Variants in BDNF observed in about 807,000 individuals in gnomAD.
BDNF encodes neurotrophic factor BDNF precursor form.
In BDNF, 1 loss-of-function variant was observed where a neutral mutation model predicts 19.5. That is an observed-to-expected ratio of 0.05 (90% confidence interval 0.02 to 0.24). The LOEUF (loss-of-function observed/expected upper bound fraction) is 0.24. BDNF is among the 10% of genes least tolerant of loss of function. The probability of loss-of-function intolerance (pLI) is 1.00; values close to 1 mark genes in which losing one functional copy is unlikely to be tolerated. For synonymous variants in BDNF, 100 were observed against 121.6 expected, an observed-to-expected ratio of 0.82 and a Z score of 1.17; for missense variants, 195 against 317.6, an observed-to-expected ratio of 0.61 and a Z score of 2.93.
At chr11:27,684,540 C>T (rs867775709) in intron 1 of BDNF, among the ~76,000 whole-genome samples, 1 of 152,150 alleles carries the variant, frequency 6.6e-6, no homozygotes, top group Non-Finnish European at 1.5e-5. Context: ...GTGGGTTTCT[C>T]ATAAATAGCT....
At position 27,657,937 on chromosome 11, in the gene BDNF, T is replaced by G. The variant is rs1852788290; in HGVS notation, c.628A>C (p.Thr210Pro). 1 of 1,614,064 alleles carries G rather than the reference T, an allele frequency of 6.2e-7. No homozygotes were observed. ...DKRHWNSQCR[T>P]TQSYVRALTM... ...AGGGCCCGCACGTACGACTGGGTAGTTCGGCACTGGGAGTTCCAATGCCTT... is the reference window on the plus strand; with the variant it reads ...AGGGCCCGCACGTACGACTGGGTAGGTCGGCACTGGGAGTTCCAATGCCTT... Residue 210 changes from threonine (T) to proline (P), a missense_variant, in exon 2 of 2, where the codon ACT (threonine) becomes CCT (proline). Around this residue, in one of 2 missense-constraint regions of BDNF, gnomAD observed 71 missense variants for 162.6 expected, o/e 0.44. Coordinates refer to ENST00000356660, the MANE Select transcript of BDNF (RefSeq NM_001709.5). The surrounding 1 kb of genome is among the most constrained non-coding windows in gnomAD (Gnocchi z 5.0).
At chr11:27,689,828 C>T (rs752143919) in intron 1 of BDNF, among the ~76,000 whole-genome samples, 11 of 152,026 alleles carry the variant, frequency 7.2e-5, no homozygotes, top group Non-Finnish European at 1.5e-4. Context: ...TATTAAGGCT[C>T]GCATGCATTA....
chr11:27,718,232 T>C (rs1414640781), intron 1 of BDNF, among the ~76,000 whole-genome samples: 1 of 151,990 alleles, frequency 6.6e-6, no homozygotes, highest in African/African-American at 2.4e-5. Flanking sequence ...CTTGGTGAAT[T>C]AGAATCCAGA....
At chr11:27,715,215 A>G (rs1015704131) in intron 1 of BDNF, among the ~76,000 whole-genome samples, 7 of 152,330 alleles carry the variant, frequency 4.6e-5, no homozygotes, top group African/African-American at 1.7e-4. Context: ...CATGATCCAC[A>G]TAAGTATCAG....
At chr11:27,670,654 A>G (rs1382762564) in intron 1 of BDNF, among the ~76,000 whole-genome samples, 1 of 152,254 alleles carries the variant, frequency 6.6e-6, no homozygotes, top group African/African-American at 2.4e-5. Context: ...AGACACATGA[A>G]AAAATGCTCA....
intron 1 of BDNF, among the ~76,000 whole-genome samples, chr11:27,679,056 C>T (rs1856541181): frequency 6.6e-6 from 1 of 152,140 alleles, no homozygotes; most frequent in Non-Finnish European, 1.5e-5. Context: ...ACTTGGAACT[C>T]AGAAAAAATA....
chr11:27,701,415 G>A, upstream of BDNF: 2 of 1,039,650 alleles, frequency 1.9e-6, no homozygotes, highest in Non-Finnish European at 2.3e-6. Flanking sequence ...TTAAAGGGGG[G>A]AGGGGGCGCG....
intron 1 of BDNF, among the ~76,000 whole-genome samples, chr11:27,666,546 G>A (rs1326497597): frequency 6.6e-6 from 1 of 152,118 alleles, no homozygotes. Flanking sequence ...TTAGACGAAT[G>A]GCTAACTAGA....
upstream of BDNF, among the ~76,000 whole-genome samples, chr11:27,704,004 T>G (rs973921178): frequency 6.6e-6 from 1 of 152,258 alleles, no homozygotes; most frequent in South Asian, 2.1e-4. Context: ...CATATAGAGA[T>G]AATTTTGGAG....
At chr11:27,671,050 C>T (rs148899171) in intron 1 of BDNF, among the ~76,000 whole-genome samples, 1 of 152,088 alleles carries the variant, frequency 6.6e-6, no homozygotes, top group African/African-American at 2.4e-5. Flanking sequence ...AGCAAACTAT[C>T]GCAAGGACAG....
At position 27,658,634 on chromosome 11, in the gene BDNF, T is replaced by A. The variant is rs373820825; in HGVS notation, c.-21-49A>T. 190 of 1,613,792 alleles carry A rather than the reference T, an allele frequency of 1.2e-4. No homozygotes were observed. Among genetic ancestry groups the A allele is most frequent in the Middle Eastern group, 1.6e-4 (1 of 6,084 alleles). ...GACAGAAAACTGGTTAGGGCTTTCT[T>A]TCACCGGGATGCCATGTGGCCCATC... On this transcript the variant is annotated intron_variant, in intron 1 of 1. Coordinates refer to ENST00000356660, the MANE Select transcript of BDNF (RefSeq NM_001709.5). This position sits in a 1 kb window ranked among gnomAD's most constrained non-coding sequence, Gnocchi z 5.7.
chr11:27,703,925 T>G (rs1158755626), upstream of BDNF, among the ~76,000 whole-genome samples: 2 of 152,210 alleles, frequency 1.3e-5, no homozygotes, highest in African/African-American at 4.8e-5. Flanking sequence ...GAAGCCAAGA[T>G]AAACAAAATT....
chr11:27,718,606 T>A (rs1244437353), intron 1 of BDNF, among the ~76,000 whole-genome samples: 1 of 125,240 alleles, frequency 8.0e-6, no homozygotes, highest in Non-Finnish European at 1.6e-5. Flanking sequence ...TAGATCTGAC[T>A]GAGAAAACGA....
In BDNF at chr11:27,700,175, C is replaced by T. The variant is rs1859738347; in HGVS notation, c.-33G>A. The T allele has an allele frequency of 2.0e-6, 2 of 985,796 alleles. No homozygotes were observed. Among genetic ancestry groups the T allele is most frequent in the African/African-American group, 1.7e-5 (1 of 57,262 alleles). 61.1% of individuals were successfully genotyped at this position (985,796 alleles called of 1,614,324 possible). On this transcript the variant is annotated 5_prime_UTR_variant, in exon 1 of 2. In the 5' UTR this introduces an upstream ATG that the reference lacks. Coordinates refer to ENST00000356660, the MANE Select transcript of BDNF (RefSeq NM_001709.5). ...CAGCGCTTGCCTACCTCGGGGTCCA[C>T]ACAAACCTCACGGGTCCCCGGCGGC...
chr11:27,686,998 G>C (rs570314126), intron 1 of BDNF, among the ~76,000 whole-genome samples: 1 of 152,078 alleles, frequency 6.6e-6, no homozygotes, highest in African/African-American at 2.4e-5. Flanking sequence ...CCTAAGGAGT[G>C]TTTTCCAACT....
intron 1 of BDNF, among the ~76,000 whole-genome samples, chr11:27,697,156 C>CAG (rs1214718714): frequency 2.9e-4 from 20 of 69,332 alleles, no homozygotes; most frequent in South Asian, 1.3e-3. Context: ...CACACACACA[C>CAG]ACACACACAG....
intron 1 of BDNF, among the ~76,000 whole-genome samples, chr11:27,691,882 A>G (rs971347065): frequency 1.3e-5 from 2 of 152,234 alleles, no homozygotes; most frequent in Non-Finnish European, 1.5e-5. Context: ...GTGGTTTCCA[A>G]AAGTGAAGGT....
upstream of BDNF, chr11:27,701,220 C>T (rs1174620882): frequency 1.7e-6 from 2 of 1,191,414 alleles, no homozygotes; most frequent in South Asian, 3.1e-5. Flanking sequence ...CAGGCAATGA[C>T]AGACCTCGCT....
At chr11:27,700,974 C>T (rs762641316), upstream of BDNF, 5 of 1,360,478 alleles carry the variant, frequency 3.7e-6, no homozygotes, top group Admixed American at 1.9e-5. Context: ...GACACACCTT[C>T]CCGCACCTTC....
Sources: gnomAD v4.1 joint callset for allele counts (sites outside exome capture counted in the v4.1 genomes callset) on GRCh38, gnomAD v4.1.1 for gene constraint, gnomAD v4.1.1 regional missense constraint, Gnocchi (gnomAD v3.1) non-coding constraint, MANE v1.5 for transcripts, NCBI Gene and HGNC (gene_info 2026-07-23, HGNC 2026-07-21) for gene names.